Variants in CTNNA2 observed in about 807,000 individuals in gnomAD.
CTNNA2 encodes the protein catenin alpha 2.
In CTNNA2, 42 loss-of-function variants were observed where a neutral mutation model predicts 101.0. The observed-to-expected ratio is 0.42, with a 90% CI of 0.32 to 0.54. CTNNA2 has a LOEUF of 0.54. CTNNA2 is among the 20% of genes least tolerant of loss of function. The probability of loss-of-function intolerance (pLI) is 0.14; values close to 1 mark genes in which losing one functional copy is unlikely to be tolerated. For synonymous variants in CTNNA2, 450 were observed against 456.4 expected (o/e 0.99, Z 0.18); for missense variants, 871 against 1,223.1 (o/e 0.71, Z 4.29).
chr2:79,611,482 G>A lies in CTNNA2; in HGVS notation c.-5-40070G>A, dbSNP rs1275726787. ...GGTCTCTCGACTAGGCACGAGGAAG[G>A]CATTAAATACAGAATTAAACAAATA... On this transcript the variant is annotated intron_variant, in intron 1 of 18. Transcript: ENST00000402739. Among the ~76,000 whole-genome samples the A allele has an allele frequency of 3.3e-5, 5 of 152,234 alleles. No individual in the cohort carries two copies. In the East Asian group the frequency reaches 9.6e-4, roughly 29 times the overall value.
chr2:80,111,225 C>A (rs1287349565), intron 7 of CTNNA2, among the ~76,000 whole-genome samples: 1 of 152,132 alleles, frequency 6.6e-6, no homozygotes, highest in Non-Finnish European at 1.5e-5. Context: ...GGGACACAGC[C>A]AAAACATATC....
chr2:80,427,335 T>C (rs913434259), intron 9 of CTNNA2, among the ~76,000 whole-genome samples: 2 of 152,192 alleles, frequency 1.3e-5, no homozygotes, highest in Non-Finnish European at 2.9e-5. Context: ...AGAAATACTA[T>C]TTGTACCAAG....
At chr2:79,525,929 T>A (rs1672379371) in intron 1 of CTNNA2, among the ~76,000 whole-genome samples, 1 of 152,052 alleles carries the variant, frequency 6.6e-6, no homozygotes, top group African/African-American at 2.4e-5. Flanking sequence ...CTTGAATAAT[T>A]TGAAATGCTT....
chr2:80,482,773 C>A (rs554037552), intron 9 of CTNNA2, among the ~76,000 whole-genome samples: 1 of 152,244 alleles, frequency 6.6e-6, no homozygotes, highest in African/African-American at 2.4e-5. Context: ...AATATGCAAT[C>A]TGATATCTGA....
intron 1 of CTNNA2, among the ~76,000 whole-genome samples, chr2:79,558,032 G>A (rs748241187): frequency 8.6e-5 from 13 of 151,874 alleles, no homozygotes; most frequent in African/African-American, 2.4e-4. Flanking sequence ...TTATACATAC[G>A]TAAACGTTCA....
chr2:80,632,572 G>A (rs987132037), intron 18 of CTNNA2, among the ~76,000 whole-genome samples: 3 of 152,030 alleles, frequency 2.0e-5, no homozygotes, highest in African/African-American at 4.8e-5. Context: ...AAATAAGATC[G>A]TAACTAGGCT....
chr2:80,045,536 A>G (rs1250344769), intron 7 of CTNNA2, among the ~76,000 whole-genome samples: 1 of 152,238 alleles, frequency 6.6e-6, no homozygotes, highest in Non-Finnish European at 1.5e-5. Flanking sequence ...ATAAATAATT[A>G]CAGTGAACCG....
chr2:79,602,852 G>T (rs544336609), intron 1 of CTNNA2, among the ~76,000 whole-genome samples: 6 of 152,066 alleles, frequency 3.9e-5, no homozygotes, highest in Non-Finnish European at 5.9e-5. Flanking sequence ...TGGGATGAGA[G>T]AAATCAATAT....
At chr2:79,655,224 TAA>T (rs1003321462) in intron 2 of CTNNA2, among the ~76,000 whole-genome samples, 4 of 152,186 alleles carry the variant, frequency 2.6e-5, no homozygotes, top group Non-Finnish European at 4.4e-5. Flanking sequence ...AGTTTACACT[TAA>T]GAGTACCTAT....
intron 18 of CTNNA2, among the ~76,000 whole-genome samples, chr2:80,626,219 C>A (rs74717969): frequency 0.061 from 9,303 of 152,138 alleles, 314 homozygotes; most frequent in African/African-American, 0.094. Context: ...AGAGTTATTT[C>A]TCTCTCACAT....
At chr2:79,679,442 A>T (rs1683406780) in intron 2 of CTNNA2, among the ~76,000 whole-genome samples, 2 of 152,080 alleles carry the variant, frequency 1.3e-5, no homozygotes, top group African/African-American at 4.8e-5. Context: ...ATCCCCTGGC[A>T]GATCCCAGGT....
intron 7 of CTNNA2, among the ~76,000 whole-genome samples, chr2:80,257,861 G>A (rs1052225135): frequency 7.9e-5 from 12 of 152,186 alleles, no homozygotes; most frequent in African/African-American, 2.7e-4. Context: ...CAGTGCAGTC[G>A]ATTATACTGC....
intron 7 of CTNNA2, among the ~76,000 whole-genome samples, chr2:80,239,285 C>G (rs1026906117): frequency 6.6e-5 from 10 of 152,124 alleles, no homozygotes; most frequent in Non-Finnish European, 1.3e-4. Flanking sequence ...GAGTTGAGAC[C>G]TGGGTAACCA....
At chr2:80,452,681 G>T (rs1309626411) in intron 9 of CTNNA2, among the ~76,000 whole-genome samples, 1 of 151,564 alleles carries the variant, frequency 6.6e-6, no homozygotes, top group Non-Finnish European at 1.5e-5. Context: ...TTGCAGGTTG[G>T]GTTGGGGAAA....
At chr2:79,427,408 A>G (rs975733952) in intron 4 of CTNNA2, among the ~76,000 whole-genome samples, 4 of 151,984 alleles carry the variant, frequency 2.6e-5, no homozygotes, top group Non-Finnish European at 5.9e-5. Flanking sequence ...TGTTACTAAA[A>G]AAACTCATTA....
chr2:80,286,047 G>T (rs915668734), intron 7 of CTNNA2, among the ~76,000 whole-genome samples: 2 of 152,042 alleles, frequency 1.3e-5, no homozygotes, highest in South Asian at 4.2e-4. Context: ...GCCTAATATT[G>T]GTCCAGAACT....
intron 7 of CTNNA2, among the ~76,000 whole-genome samples, chr2:80,153,474 A>T (rs1703824770): frequency 6.6e-6 from 1 of 152,166 alleles, no homozygotes; most frequent in Admixed American, 6.5e-5. Context: ...AGTAGTAGAG[A>T]TTATGCCAGG....
chr2:79,269,759 A>C (rs1675038070), intron 2 of CTNNA2, among the ~76,000 whole-genome samples: 1 of 152,110 alleles, frequency 6.6e-6, no homozygotes, highest in South Asian at 2.1e-4. Context: ...TATTGTATGC[A>C]CTACTATCAA....
chr2:80,233,270 G>A lies in CTNNA2; in HGVS notation c.1057-159941G>A, dbSNP rs75724200. Among the ~76,000 whole-genome samples the A allele has an allele frequency of 5.1e-3, 776 of 152,270 alleles. 8 individuals are homozygous for A. Among genetic ancestry groups the A allele is most frequent in the African/African-American group, 0.017 (726 of 41,542 alleles). On this transcript the variant is annotated intron_variant, in intron 7 of 18. Transcript: ENST00000402739. Reference sequence around the variant, plus strand: ...AAATAAATGTCTGCTGAGGTGCACAGCAGAGTGCTCTTCCACAAAGTTGCC... The same window carrying A: ...AAATAAATGTCTGCTGAGGTGCACAACAGAGTGCTCTTCCACAAAGTTGCC...
Sources: allele counts gnomAD v4.1 joint callset (sites outside exome capture counted in the v4.1 genomes callset), GRCh38; gene constraint gnomAD v4.1.1; transcripts MANE v1.5; gene names NCBI Gene and HGNC (gene_info 2026-07-23, HGNC 2026-07-21).